Variants in MOXD1 observed in about 807,000 individuals in gnomAD.
The protein encoded by MOXD1 is monooxygenase DBH like 1.
In MOXD1, 62 loss-of-function variants were observed where a neutral mutation model predicts 66.6. The observed-to-expected ratio is 0.93, with a 90% confidence interval of 0.76 to 1.15. The LOEUF (loss-of-function observed/expected upper bound fraction) is 1.15, where lower values mean the gene tolerates loss of function less well. Ranked by LOEUF, MOXD1 falls within the 50% of genes most tolerant of loss-of-function variation. The pLI, the probability that MOXD1 is intolerant of heterozygous loss-of-function variation, is 0.00. For missense variants in MOXD1, 847 were observed against 754.6 expected (o/e 1.12, Z -1.44); for synonymous variants, 303 against 281.9 (o/e 1.07, Z -0.75).
intron 10 of MOXD1, among the ~76,000 whole-genome samples, chr6:132,308,674 A>T (rs1428835048): frequency 1.3e-5 from 2 of 152,076 alleles, no homozygotes; most frequent in Non-Finnish European, 2.9e-5. Context: ...TATCCACCAC[A>T]ATCAAGTCGG....
intron 1 of MOXD1, among the ~76,000 whole-genome samples, chr6:132,399,155 C>T (rs1480523431): frequency 1.3e-5 from 2 of 152,016 alleles, no homozygotes; most frequent in African/African-American, 2.4e-5. Flanking sequence ...TCTTATTAAA[C>T]AGATTTTAAG....
intron 1 of MOXD1, among the ~76,000 whole-genome samples, chr6:132,378,133 CA>C (rs200420133): frequency 1.1e-4 from 16 of 150,612 alleles, no homozygotes; most frequent in East Asian, 5.8e-4. Context: ...AACTCCATCT[CA>C]AAAAAAAAAT....
Position 132,376,670 on chromosome 6 carries a change from C to A in MOXD1, c.265-1893G>T, listed in dbSNP as rs529463386. 3.2e-3 allele frequency among the ~76,000 whole-genome samples: 313 copies of A among 98,986 alleles called. 61 individuals are homozygous for A. The South Asian group carries it at 0.043, about 14-fold the overall frequency. The allele number at this position is 98,986 out of a possible 152,430, so 64.9% of individuals were successfully genotyped here. A position where few individuals can be genotyped will look rare whatever the true frequency, so the allele number is the denominator to read the frequency against. Reference sequence around the variant, plus strand: ...CTGGGACTACAGGCGCCCGCCACTACGCCCGGCTAATTTTTTGTATTTTTA... The same window carrying A: ...CTGGGACTACAGGCGCCCGCCACTAAGCCCGGCTAATTTTTTGTATTTTTA... On this transcript the variant is annotated intron_variant, in intron 1 of 11. Transcript: ENST00000367963.
At chr6:132,329,768 C>T (rs894362907) in intron 4 of MOXD1, among the ~76,000 whole-genome samples, 6 of 151,998 alleles carry the variant, frequency 3.9e-5, no homozygotes, top group African/African-American at 1.5e-4. Flanking sequence ...AACAAGGAAA[C>T]TTACTGCAAG....
chr6:132,297,365 A>C, intron 11 of MOXD1, 48 bp from the exon 12 acceptor site: 1 of 1,588,622 alleles, frequency 6.3e-7, no homozygotes, highest in East Asian at 2.2e-5. Flanking sequence ...GATTTAAGGC[A>C]GCACAGTGAC....
intron 1 of MOXD1, among the ~76,000 whole-genome samples, chr6:132,397,783 A>C (rs1021383798): frequency 6.6e-6 from 1 of 152,162 alleles, no homozygotes; most frequent in Admixed American, 6.5e-5. Context: ...CTGAATTTAC[A>C]TTCCTTTTTA....
chr6:132,337,338 A>G (rs1345793919), intron 4 of MOXD1, among the ~76,000 whole-genome samples: 1 of 152,218 alleles, frequency 6.6e-6, no homozygotes, highest in African/African-American at 2.4e-5. Flanking sequence ...TTTTTTCTTC[A>G]CATTGGAACA....
chr6:132,378,537 A>G (rs1241397939), intron 1 of MOXD1, among the ~76,000 whole-genome samples: 2 of 152,228 alleles, frequency 1.3e-5, no homozygotes, highest in Non-Finnish European at 2.9e-5. Flanking sequence ...AAAAGCAAAG[A>G]TGGAATAAAT....
chr6:132,301,157 T>C (rs1177180639), intron 10 of MOXD1, among the ~76,000 whole-genome samples: 1 of 150,924 alleles, frequency 6.6e-6, no homozygotes, highest in Non-Finnish European at 1.5e-5. Context: ...ATCTTGTCAG[T>C]GTGTAAATGT....
chr6:132,326,655 T>C (rs1775193573), intron 6 of MOXD1, among the ~76,000 whole-genome samples: 1 of 152,200 alleles, frequency 6.6e-6, no homozygotes, highest in South Asian at 2.1e-4. Flanking sequence ...TAGAATTTAT[T>C]AATAGGTTAT....
chr6:132,316,495 G>A (rs1454436067), intron 9 of MOXD1, among the ~76,000 whole-genome samples: 2 of 151,994 alleles, frequency 1.3e-5, no homozygotes, highest in African/African-American at 4.8e-5. Context: ...TGCTCAAGTA[G>A]TTAAAGGCAA....
intron 4 of MOXD1, among the ~76,000 whole-genome samples, chr6:132,367,282 G>A (rs1017840658): frequency 1.3e-5 from 2 of 152,026 alleles, no homozygotes; most frequent in African/African-American, 4.8e-5. Context: ...CAACAGATTA[G>A]CAATTGAGTG....
chr6:132,383,855 A>AGC (rs1562298964), intron 1 of MOXD1, among the ~76,000 whole-genome samples: 15 of 152,066 alleles, frequency 9.9e-5, no homozygotes, highest in African/African-American at 3.4e-4. Flanking sequence ...AGATCACCTG[A>AGC]GGTTAGGAGT....
intron 4 of MOXD1, among the ~76,000 whole-genome samples, chr6:132,355,140 G>A (rs34807768): frequency 0.19 from 28,970 of 151,942 alleles, 2,866 homozygotes; most frequent in South Asian, 0.28. Context: ...CACCAGATTC[G>A]TGCCCTTCCC....
intron 4 of MOXD1, among the ~76,000 whole-genome samples, chr6:132,366,834 C>T (rs1014186535): frequency 6.6e-6 from 1 of 152,046 alleles, no homozygotes; most frequent in Non-Finnish European, 1.5e-5. Context: ...TAGGTGCCTA[C>T]TATAGGAAAA....
chr6:132,388,989 A>G (rs1480209492), intron 1 of MOXD1, among the ~76,000 whole-genome samples: 3 of 151,246 alleles, frequency 2.0e-5, no homozygotes, highest in African/African-American at 2.4e-5. Flanking sequence ...GAAAATTTTG[A>G]AACACACCTC....
At chr6:132,361,186 C>T (rs1026073426) in intron 4 of MOXD1, among the ~76,000 whole-genome samples, 1 of 152,036 alleles carries the variant, frequency 6.6e-6, no homozygotes, top group Non-Finnish European at 1.5e-5. Context: ...CATTAACCTC[C>T]ATGTATATAT....
At chr6:132,322,026 G>A (rs749365350) in intron 8 of MOXD1, among the ~76,000 whole-genome samples, 1 of 152,058 alleles carries the variant, frequency 6.6e-6, no homozygotes, top group South Asian at 2.1e-4. Context: ...CTCTCATTTC[G>A]TAAATGGTAT....
chr6:132,395,218 T>C (rs182005660), intron 1 of MOXD1, among the ~76,000 whole-genome samples: 4 of 152,150 alleles, frequency 2.6e-5, no homozygotes, highest in African/African-American at 7.2e-5. Context: ...CTTTATAAAA[T>C]GAAAGAGAAA....
Sources: gnomAD v4.1 joint callset for allele counts (sites outside exome capture counted in the v4.1 genomes callset) on GRCh38, gnomAD v4.1.1 for gene constraint, MANE v1.5 for transcripts, NCBI Gene and HGNC (gene_info 2026-07-23, HGNC 2026-07-21) for gene names.